HMCN1: variants seen among roughly 807,000 people sequenced by gnomAD.
HMCN1 encodes the protein hemicentin 1.
A neutral mutation model predicts 625.9 loss-of-function variants in HMCN1; 321 were observed. That is an observed-to-expected ratio of 0.51 (90% CI 0.47 to 0.56). The LOEUF (loss-of-function observed/expected upper bound fraction) is 0.56. Ranked by LOEUF, HMCN1 falls within the 20% of genes least tolerant of loss-of-function variation. The probability of loss-of-function intolerance (pLI) is 0.00; values close to 1 mark genes in which losing one functional copy is unlikely to be tolerated. For synonymous variants in HMCN1, 2,425 were observed against 2,417.6 expected, an observed-to-expected ratio of 1.00 and a Z score of -0.09; for missense variants, 6,588 against 6,887.3, an observed-to-expected ratio of 0.96 and a Z score of 1.54.
chr1:186,165,328 A>C (rs374971676), intron 98 of HMCN1, among the ~76,000 whole-genome samples, 155 bp downstream of exon 98: 1 of 152,240 alleles, frequency 6.6e-6, no homozygotes, highest in Non-Finnish European at 1.5e-5. Flanking sequence ...GAGATGTAGA[A>C]AAGTCAAACT....
At chr1:185,935,757 T>C (rs191486306) in intron 11 of HMCN1, among the ~76,000 whole-genome samples, 6 of 152,258 alleles carry the variant, frequency 3.9e-5, no homozygotes, top group Non-Finnish European at 8.8e-5. Context: ...TAGTCTAGAA[T>C]TGATAATACT....
chr1:186,093,494 A>G lies in HMCN1; in HGVS notation c.10021A>G (p.Thr3341Ala). Residue 3341 changes from threonine to alanine, a missense_variant, in exon 66 of 107, where the codon ACA becomes GCA. Thr to Ala is a moderately conservative substitution (Grantham distance 58). This residue lies in a region of HMCN1 where 4,628 missense variants were observed against 4,853.1 expected (regional missense o/e 0.95). Transcript: ENST00000271588. ...CTTTCTGCACAACATAGTTACACCTACAATTAGGGGTAATAAAGATGAAGC... is the reference window on the plus strand; with the variant it reads ...CTTTCTGCACAACATAGTTACACCTGCAATTAGGGGTAATAAAGATGAAGC... ...IFNLNVYVTP[T>A]IRGNKDEAEK... 1 of 1,613,244 alleles carries G rather than the reference A, an allele frequency of 6.2e-7. No homozygotes were observed. Among genetic ancestry groups the G allele is most frequent in the Non-Finnish European group, 8.5e-7 (1 of 1,179,486 alleles).
At chr1:186,145,204 A>C (rs1291779822) in intron 91 of HMCN1, among the ~76,000 whole-genome samples, 199 bp from the exon 92 acceptor site, 1 of 152,284 alleles carries the variant, frequency 6.6e-6, no homozygotes, top group African/African-American at 2.4e-5. Context: ...TCACACAAAT[A>C]CAGGAATGCA....
intron 38 of HMCN1, 113 bp downstream of exon 38, chr1:186,039,118 T>C: frequency 1.3e-6 from 1 of 792,492 alleles, no homozygotes; most frequent in Non-Finnish European, 2.3e-6. Context: ...TTGTCATCTT[T>C]ATGTAAGGGC....
Position 186,145,396 on chromosome 1 carries a change from C to A in HMCN1, c.14267-7C>A. The A allele has an allele frequency of 1.3e-6, 2 of 1,565,666 alleles. No individual in the cohort carries two copies. The highest frequency in any genetic ancestry group is 1.2e-5 in the South Asian group (1 of 82,204). On this transcript the variant is annotated splice_polypyrimidine_tract_variant and splice_region_variant and intron_variant, in intron 91 of 106. Transcript: ENST00000271588. The stretch of plus-strand genomic sequence containing the variant: ...CTGTTTTCATCTCAGATTATTCTGT[C>A]TTGTAGCCCATGGTAACTGGAGTCC...
chr1:185,788,884 T>A (rs1462669537), intron 1 of HMCN1, among the ~76,000 whole-genome samples: 1 of 152,214 alleles, frequency 6.6e-6, no homozygotes, highest in Non-Finnish European at 1.5e-5. Context: ...AATTTGATCA[T>A]TATTTGCCTT....
intron 9 of HMCN1, among the ~76,000 whole-genome samples, chr1:185,926,846 G>T (rs1003605100): frequency 3.3e-5 from 5 of 152,162 alleles, no homozygotes; most frequent in Non-Finnish European, 7.3e-5. Flanking sequence ...TAGCAGCAGG[G>T]TGCATTTTTA....
intron 89 of HMCN1, among the ~76,000 whole-genome samples, chr1:186,142,376 G>A (rs143844180): frequency 9.7e-4 from 148 of 152,216 alleles, no homozygotes; most frequent in African/African-American, 3.3e-3. Context: ...TCCATGGCAC[G>A]TATGGTACCA....
intron 72 of HMCN1, 100 bp downstream of exon 72, chr1:186,113,053 T>C: frequency 2.1e-6 from 3 of 1,398,938 alleles, no homozygotes; most frequent in Non-Finnish European, 2.0e-6. Flanking sequence ...TGAAGCCTTG[T>C]GCTTATCTTA....
chr1:185,954,695 T>G (rs1649492877), intron 11 of HMCN1, among the ~76,000 whole-genome samples: 1 of 152,188 alleles, frequency 6.6e-6, no homozygotes, highest in African/African-American at 2.4e-5. Context: ...TGTTAATTGC[T>G]TCTTGGGGTA....
intron 11 of HMCN1, among the ~76,000 whole-genome samples, chr1:185,941,476 A>T (rs543044896): frequency 6.6e-6 from 1 of 152,348 alleles, no homozygotes; most frequent in Non-Finnish European, 1.5e-5. Flanking sequence ...AAGCTTAAAG[A>T]TCTGGAATTT....
intron 1 of HMCN1, among the ~76,000 whole-genome samples, chr1:185,772,850 G>T (rs1274327598): frequency 6.6e-6 from 1 of 152,054 alleles, no homozygotes; most frequent in Non-Finnish European, 1.5e-5. Context: ...TTTCTCACAT[G>T]GTAGAAGGTG....
rs1666422625 is a variant in HMCN1, at chr1:185,911,586, T to C, written c.794-88T>C. 7.2e-6 allele frequency: 7 copies of C among 968,738 alleles called. No homozygotes were observed. In the East Asian group the frequency reaches 1.4e-4, roughly 20 times the overall value. 60.0% of individuals were successfully genotyped at this position (968,738 alleles called of 1,614,324 possible). ...GCCAGTGTTATTTGAAATTTGATCA[T>C]GCTCTTAGTTTTATGTAGTGTTAAA... On this transcript the variant is annotated intron_variant, in intron 5 of 106. Transcript: ENST00000271588.
intron 102 of HMCN1, among the ~76,000 whole-genome samples, chr1:186,173,014 T>G (rs1652329267): frequency 6.6e-6 from 1 of 152,168 alleles, no homozygotes; most frequent in African/African-American, 2.4e-5. Flanking sequence ...CAAGAAAGCC[T>G]TGTATAAGGG....
chr1:185,881,183 A>G lies in HMCN1; in HGVS notation c.621+15320A>G, dbSNP rs183281936. ...CAAAGGACCAGTGTGACAGCCTTTC[A>G]TATTTGCACTCATGGCTCCAGAGCT... On this transcript the variant is annotated intron_variant, in intron 4 of 106. Coordinates refer to ENST00000271588, the MANE Select transcript of HMCN1 (RefSeq NM_031935.3). Among the ~76,000 whole-genome samples the G allele has an allele frequency of 8.9e-4, 136 of 152,352 alleles. 1 individual carries two copies. Among genetic ancestry groups the G allele is most frequent in the South Asian group, 4.1e-4 (2 of 4,830 alleles).
At chr1:185,986,255 T>C in intron 19 of HMCN1, among the ~76,000 whole-genome samples, 1 of 152,124 alleles carries the variant, frequency 6.6e-6, no homozygotes. Flanking sequence ...TTCCAAGGGA[T>C]TTTTTTGCAC....
intron 10 of HMCN1, among the ~76,000 whole-genome samples, chr1:185,928,986 C>T (rs1035778354): frequency 2.0e-5 from 3 of 151,890 alleles, no homozygotes; most frequent in Non-Finnish European, 4.4e-5. Flanking sequence ...AGAGAGTCTG[C>T]CACAGAGAAG....
At chr1:185,763,370 A>T (rs1442659949) in intron 1 of HMCN1, among the ~76,000 whole-genome samples, 1 of 152,138 alleles carries the variant, frequency 6.6e-6, no homozygotes, top group African/African-American at 2.4e-5. Context: ...AAAAATGAGG[A>T]TTTAGTTGCT....
rs527688508 is a variant in HMCN1, at chr1:185,989,610, C to T, written c.3171C>T (p.Ala1057=). ...GEYVCTATNT[A]GYAKRKVQLT... ...ATGTCTGCACTGCCACCAATACAGC[C>T]GGCTACGCCAAAAGGAAAGTGCAGC... Residue 1057 remains alanine (A), a synonymous_variant, in exon 21 of 107, where the codon GCC becomes GCT. Coordinates refer to ENST00000271588, the MANE Select transcript of HMCN1 (RefSeq NM_031935.3). 4.3e-5 allele frequency: 70 copies of T among 1,613,800 alleles called. No homozygotes were observed. In the East Asian group the frequency reaches 9.4e-4, roughly 22 times the overall value.
Sources: allele counts gnomAD v4.1 joint callset (sites outside exome capture counted in the v4.1 genomes callset), GRCh38; gene constraint gnomAD v4.1.1; regional missense constraint gnomAD v4.1.1; transcripts MANE v1.5; gene names NCBI Gene and HGNC (gene_info 2026-07-23, HGNC 2026-07-21).